The following STX8 variants were observed in gnomAD, a reference collection of about 807,000 sequenced individuals.
STX8 encodes syntaxin-8.
A neutral mutation model predicts 37.5 loss-of-function variants in STX8; 23 were observed. That is an observed-to-expected ratio of 0.61 (90% confidence interval 0.44 to 0.87). The LOEUF (loss-of-function observed/expected upper bound fraction) is 0.87. STX8 is among the 40% of genes least tolerant of loss of function. STX8 has a pLI of 0.00. For missense variants in STX8, 313 were observed against 284.7 expected, an observed-to-expected ratio of 1.10 and a Z score of -0.71; for synonymous variants, 115 against 99.1, an observed-to-expected ratio of 1.16 and a Z score of -0.95.
intron 4 of STX8, among the ~76,000 whole-genome samples, chr17:9,508,529 A>G (rs1904919247): frequency 6.6e-6 from 1 of 152,154 alleles, no homozygotes; most frequent in African/African-American, 2.4e-5. Flanking sequence ...GGGTTTCACC[A>G]TGTTAGCCAG....
intron 6 of STX8, among the ~76,000 whole-genome samples, chr17:9,403,469 G>A (rs922957576): frequency 6.6e-6 from 1 of 152,090 alleles, no homozygotes; most frequent in Non-Finnish European, 1.5e-5. Flanking sequence ...TGTGTGTGTA[G>A]ACTTACTTCA....
intron 7 of STX8, among the ~76,000 whole-genome samples, chr17:9,312,180 T>C (rs927916774): frequency 6.7e-6 from 1 of 149,220 alleles, no homozygotes; most frequent in African/African-American, 2.5e-5. Context: ...AAAAAACCTA[T>C]ATAAGCATGA....
intron 7 of STX8, among the ~76,000 whole-genome samples, chr17:9,325,764 G>A (rs371380956): frequency 3.9e-5 from 6 of 152,218 alleles, no homozygotes; most frequent in African/African-American, 9.6e-5. Flanking sequence ...TTTGAGGAAC[G>A]CTTCACCATA....
At chr17:9,254,654 C>T (rs1906719960) in intron 7 of STX8, among the ~76,000 whole-genome samples, 1 of 152,046 alleles carries the variant, frequency 6.6e-6, no homozygotes, top group Non-Finnish European at 1.5e-5. Flanking sequence ...CCTGGGCCTC[C>T]CAAAGTGCTG....
intron 7 of STX8, among the ~76,000 whole-genome samples, chr17:9,373,100 T>G (rs1331692711): frequency 8.0e-6 from 1 of 124,774 alleles, no homozygotes; most frequent in Non-Finnish European, 1.6e-5. Context: ...GCAAGAAGAC[T>G]CCATCTCAAA....
chr17:9,259,750 C>T (rs76162231), intron 7 of STX8, among the ~76,000 whole-genome samples: 4,054 of 152,090 alleles, frequency 0.027, 188 homozygotes, highest in African/African-American at 0.092. Context: ...GGTCACAGGA[C>T]GGGGTCACAG....
chr17:9,414,129 A>ACCAT (rs769390840), intron 6 of STX8, among the ~76,000 whole-genome samples: 3,149 of 67,484 alleles, frequency 0.047, 482 homozygotes, highest in East Asian at 0.15. Flanking sequence ...CATCCATCCA[A>ACCAT]CCATCCATCC....
chr17:9,256,306 G>C (rs1209134672), intron 7 of STX8, among the ~76,000 whole-genome samples: 1 of 152,178 alleles, frequency 6.6e-6, no homozygotes, highest in African/African-American at 2.4e-5. Flanking sequence ...AGACAGTGTG[G>C]GGGTCCCTCG....
chr17:9,329,357 G>C (rs1909888173), intron 7 of STX8, among the ~76,000 whole-genome samples: 1 of 152,180 alleles, frequency 6.6e-6, no homozygotes, highest in African/African-American at 2.4e-5. Context: ...AAGAGAGTCA[G>C]GACCAGCTCA....
At chr17:9,273,758 C>T (rs533122523) in intron 7 of STX8, among the ~76,000 whole-genome samples, 1 of 152,364 alleles carries the variant, frequency 6.6e-6, no homozygotes, top group African/African-American at 2.4e-5. Context: ...TGGCTTGAGG[C>T]CTTTCTGCCT....
intron 4 of STX8, among the ~76,000 whole-genome samples, chr17:9,516,406 T>C (rs73973799): frequency 0.016 from 2,354 of 143,340 alleles, 53 homozygotes; most frequent in African/African-American, 0.057. Context: ...CACAATTTAA[T>C]ACTAATATCA....
chr17:9,399,958 G>A (rs942787902), intron 6 of STX8, among the ~76,000 whole-genome samples: 16 of 151,812 alleles, frequency 1.1e-4, no homozygotes, highest in African/African-American at 3.4e-4. Flanking sequence ...AATATTTAAT[G>A]AATAGTTACT....
chr17:9,565,760 A>C (rs560376384), intron 2 of STX8, among the ~76,000 whole-genome samples: 1 of 152,186 alleles, frequency 6.6e-6, no homozygotes, highest in Non-Finnish European at 1.5e-5. Context: ...TACCACGTGC[A>C]GAAGATAGAA....
chr17:9,329,257 C>A (rs1181072999), intron 7 of STX8, among the ~76,000 whole-genome samples: 1 of 152,038 alleles, frequency 6.6e-6, no homozygotes, highest in Non-Finnish European at 1.5e-5. Context: ...ATTGAGGATG[C>A]TACAGGAAAT....
At chr17:9,388,190 G>A (rs920281953) in intron 6 of STX8, among the ~76,000 whole-genome samples, 2 of 150,816 alleles carry the variant, frequency 1.3e-5, no homozygotes, top group South Asian at 2.1e-4. Flanking sequence ...TCATGCCTCA[G>A]CCTCCTGAGT....
At chr17:9,419,121 C>T (rs1913328799) in intron 6 of STX8, among the ~76,000 whole-genome samples, 1 of 151,954 alleles carries the variant, frequency 6.6e-6, no homozygotes. Flanking sequence ...AAATAGGGGT[C>T]TCACTATGTT....
At chr17:9,432,705 C>T (rs1283593406) in intron 6 of STX8, among the ~76,000 whole-genome samples, 1 of 152,136 alleles carries the variant, frequency 6.6e-6, no homozygotes, top group Non-Finnish European at 1.5e-5. Context: ...ATTTCATTTC[C>T]ACCACGTGTC....
At position 9,445,945 on chromosome 17, in the gene STX8, C is replaced by G. The variant is rs995868054; in HGVS notation, c.541+45884G>C. On this transcript the variant is annotated intron_variant, in intron 6 of 7. Coordinates refer to ENST00000306357, the MANE Select transcript of STX8 (RefSeq NM_004853.3). ...CTCTGCCTCCCGGGTTCACGCCATTCCCGACTCGGCCTCCCGAGTAGCTGG... is the reference window on the plus strand; with the variant it reads ...CTCTGCCTCCCGGGTTCACGCCATTGCCGACTCGGCCTCCCGAGTAGCTGG... 2.0e-5 allele frequency among the ~76,000 whole-genome samples: 3 copies of G among 149,662 alleles called. No homozygotes were observed. In the East Asian group the frequency reaches 6.0e-4, roughly 30 times the overall value.
chr17:9,441,623 C>T (rs547160680), intron 6 of STX8, among the ~76,000 whole-genome samples: 107 of 151,458 alleles, frequency 7.1e-4, no homozygotes, highest in African/African-American at 2.3e-3. Flanking sequence ...CTCCCCAAGG[C>T]GCTGCCCTAA....
Sources: allele counts gnomAD v4.1 joint callset (sites outside exome capture counted in the v4.1 genomes callset), GRCh38; gene constraint gnomAD v4.1.1; transcripts MANE v1.5; gene names NCBI Gene and HGNC (gene_info 2026-07-23, HGNC 2026-07-21).